The following COL27A1 variants were observed in gnomAD, a reference collection of about 807,000 sequenced individuals.
The protein encoded by COL27A1 is collagen type XXVII alpha 1 chain.
COL27A1 carries 106 observed loss-of-function variants against 251.3 expected under a neutral mutation model. The ratio of observed to expected loss-of-function variants is 0.42; its 90% CI spans 0.36 to 0.50. The LOEUF is 0.50. Among genes scored for constraint, COL27A1 ranks in the 20% least tolerant of loss-of-function variants. The probability of loss-of-function intolerance (pLI) is 0.00; values close to 1 mark genes in which losing one functional copy is unlikely to be tolerated. For missense variants in COL27A1, 2,325 were observed against 2,522.8 expected, an observed-to-expected ratio of 0.92 and a Z score of 1.68; for synonymous variants, 1,000 against 986.3, an observed-to-expected ratio of 1.01 and a Z score of -0.26.
intron 36 of COL27A1, among the ~76,000 whole-genome samples, 196 bp from the exon 37 acceptor site, chr9:114,275,465 G>T (rs1835435137): frequency 6.6e-6 from 1 of 152,174 alleles, no homozygotes; most frequent in Non-Finnish European, 1.5e-5. Flanking sequence ...GCATCCTTGT[G>T]CAAGCTTAGA....
chr9:114,183,047 C>T lies in COL27A1; in HGVS notation c.1988C>T (p.Pro663Leu), dbSNP rs1416870152. The T allele has an allele frequency of 6.2e-7, 1 of 1,613,576 alleles. No individual in the cohort carries two copies. Among genetic ancestry groups the T allele is most frequent in the Admixed American group, 1.7e-5 (1 of 60,014 alleles). ...GGTCCTCCTGGGCCTTATGGAAATC[C>T]AGGTCTCCCCGGCCCTCCTGGAGCC... ...PRGPPGPYGN[P>L]GLPGPPGAKG... Residue 663 changes from proline to leucine, a missense_variant, in exon 5 of 61, where the codon CCA becomes CTA. Pro to Leu is a moderately conservative substitution (Grantham distance 98, BLOSUM62 -3). Transcript: ENST00000356083.
At position 114,168,467 on chromosome 9, in the gene COL27A1, C is replaced by T. The variant is rs1292792104; in HGVS notation, c.912C>T (p.Ser304=). The change falls in exon 3 of 61, where the codon AGC becomes AGT. Residue 304 remains serine (S), a synonymous_variant. Transcript: ENST00000356083. ...CGCCCACCAAGCCCCAAAGGACTAG[C>T]CCCACAAACCCTCACCAGCATATGG... ...PATPTKPQRT[S]PTNPHQHMAV... 6.2e-7 allele frequency: 1 copy of T among 1,613,876 alleles called. No individual in the cohort carries two copies. Among genetic ancestry groups the T allele is most frequent in the African/African-American group, 1.3e-5 (1 of 74,936 alleles).
chr9:114,168,682 C>G lies in COL27A1; in HGVS notation c.1127C>G (p.Ser376Cys). ...CTCCCTACCAAGCCTTCGGCCCCTT[C>G]TACTTCAATTGTGCCCATCAAAAGC... ...KSLPTKPSAPSTSIVPIKSPH... is the reference protein window; with the variant it reads ...KSLPTKPSAPCTSIVPIKSPH... The change falls in exon 3 of 61, where the codon TCT becomes TGT. Residue 376 changes from serine to cysteine, a missense_variant. Coordinates refer to ENST00000356083, the MANE Select transcript of COL27A1 (RefSeq NM_032888.4). The G allele has an allele frequency of 6.2e-7, 1 of 1,614,162 alleles. No homozygotes were observed. The highest frequency in any genetic ancestry group is 8.5e-7 in the Non-Finnish European group (1 of 1,180,036).
intron 14 of COL27A1, among the ~76,000 whole-genome samples, chr9:114,224,508 C>G (rs752630757): frequency 6.6e-6 from 1 of 152,160 alleles, no homozygotes; most frequent in Non-Finnish European, 1.5e-5. Context: ...CATATCCTGT[C>G]TGTCATCCTT....
rs189908495 is a variant in COL27A1 at position 114,221,902 on chromosome 9, C to T, written c.2422-321C>T. On this transcript the variant is annotated intron_variant, in intron 13 of 60. Coordinates refer to ENST00000356083, the MANE Select transcript of COL27A1 (RefSeq NM_032888.4). ...TCAGTTTTCCTGTCTGTAAAATGAG[C>T]GTGAAATGTCAAGCACCATGCACGT... Among the ~76,000 whole-genome samples the T allele has an allele frequency of 1.7e-3, 259 of 152,332 alleles. 2 individuals are homozygous for T. Among genetic ancestry groups the T allele is most frequent in the Admixed American group, 9.7e-3 (148 of 15,308 alleles).
chr9:114,154,178 G>C (rs976955595), upstream of COL27A1, among the ~76,000 whole-genome samples: 1 of 152,008 alleles, frequency 6.6e-6, no homozygotes, highest in Non-Finnish European at 1.5e-5. The surrounding 1 kb of genome is among the most constrained non-coding windows in gnomAD (Gnocchi z 5.8). Context: ...AGCGCAGGCG[G>C]ACCGGGTCGG....
intron 7 of COL27A1, among the ~76,000 whole-genome samples, chr9:114,200,908 T>C (rs558276304): frequency 5.2e-4 from 79 of 152,146 alleles, no homozygotes; most frequent in African/African-American, 1.9e-3. Context: ...GCTGAGGCCT[T>C]GCACAGGCGG....
intron 48 of COL27A1, among the ~76,000 whole-genome samples, chr9:114,291,257 C>T (rs925397645): frequency 2.0e-5 from 3 of 152,100 alleles, no homozygotes; most frequent in African/African-American, 7.2e-5. Context: ...TTCCCAGTGC[C>T]GCGTGGGAGG....
chr9:114,262,110 G>A (rs993460058), intron 28 of COL27A1, among the ~76,000 whole-genome samples: 10 of 152,174 alleles, frequency 6.6e-5, no homozygotes, highest in South Asian at 2.1e-4. Flanking sequence ...CCCTCAGGAG[G>A]GTTCAGTTGT....
At chr9:114,223,176 C>T (rs1174562932) in intron 14 of COL27A1, among the ~76,000 whole-genome samples, 4 of 152,220 alleles carry the variant, frequency 2.6e-5, no homozygotes, top group South Asian at 2.1e-4. Flanking sequence ...GGAAATGACA[C>T]TCCAAGTGTC....
chr9:114,293,335 T>C (rs1166666958), intron 49 of COL27A1, among the ~76,000 whole-genome samples: 1 of 152,150 alleles, frequency 6.6e-6, no homozygotes, highest in Non-Finnish European at 1.5e-5. Flanking sequence ...GTATTTTGAA[T>C]TGAATGAAAG....
Position 114,300,674 on chromosome 9 carries a change from C to T in COL27A1, c.4688C>T (p.Pro1563Leu), listed in dbSNP as rs748832959. Residue 1563 changes from proline to leucine, a missense_variant, in exon 51 of 61, where the codon CCA (proline) becomes CTA (leucine). Coordinates refer to ENST00000356083, the MANE Select transcript of COL27A1 (RefSeq NM_032888.4). ...GFKGIQGPRG[P>L]PGLMGKEGIV... ...AAAGGCATCCAGGGCCCTCGGGGGC[C>T]ACCTGGCTTGATGGTGAGTTCCCTC... 6.6e-6 allele frequency: 10 copies of T among 1,512,788 alleles called. No individual in the cohort carries two copies. In the East Asian group the frequency reaches 2.2e-4, roughly 33 times the overall value. The allele number at this position is 1,512,788 out of a possible 1,614,324, so 93.7% of individuals were successfully genotyped here. A position where few individuals can be genotyped will look rare whatever the true frequency, so the allele number is the denominator to read the frequency against.
At chr9:114,208,308 G>A (rs1445469515) in intron 10 of COL27A1, among the ~76,000 whole-genome samples, 2 of 152,128 alleles carry the variant, frequency 1.3e-5, no homozygotes, top group Middle Eastern at 3.2e-3. Context: ...GGGCGTGGTG[G>A]TGCACACCTG....
intron 10 of COL27A1, among the ~76,000 whole-genome samples, chr9:114,207,658 C>T (rs1027538510): frequency 6.6e-6 from 1 of 152,206 alleles, no homozygotes; most frequent in Non-Finnish European, 1.5e-5. Context: ...CAGTGAGTCA[C>T]TCAAGCTGCC....
intron 14 of COL27A1, among the ~76,000 whole-genome samples, chr9:114,228,292 T>C (rs1831654534): frequency 6.6e-6 from 1 of 152,216 alleles, no homozygotes; most frequent in Non-Finnish European, 1.5e-5. Flanking sequence ...TCTGAGCTGC[T>C]GGCGGCCCCT....
In COL27A1 at chr9:114,216,729, G is replaced by A. The variant is rs1286757214; in HGVS notation, c.2368-3062G>A. On this transcript the variant is annotated intron_variant, in intron 12 of 60. Coordinates refer to ENST00000356083, the MANE Select transcript of COL27A1 (RefSeq NM_032888.4). ...ACTGTGCTCTTAATTACAAACCCTA[G>A]ATTCCTAGAGGTCATCTGCTTGACC... 3.9e-5 allele frequency among the ~76,000 whole-genome samples: 6 copies of A among 152,196 alleles called. No individual in the cohort carries two copies. In the East Asian group the frequency reaches 1.2e-3, roughly 29 times the overall value.
At chr9:114,208,266 C>T (rs1047371707) in intron 10 of COL27A1, among the ~76,000 whole-genome samples, 13 of 152,178 alleles carry the variant, frequency 8.5e-5, no homozygotes, top group African/African-American at 2.4e-4. Context: ...AGCGAAACCC[C>T]GTCTCTACTA....
chr9:114,200,941 C>T (rs1455589304), intron 7 of COL27A1, among the ~76,000 whole-genome samples: 5 of 151,942 alleles, frequency 3.3e-5, no homozygotes, highest in Non-Finnish European at 7.4e-5. Flanking sequence ...GGTGGACAGC[C>T]GATGTCTGAG....
intron 5 of COL27A1, among the ~76,000 whole-genome samples, chr9:114,187,536 G>T (rs1828455473): frequency 6.6e-6 from 1 of 152,248 alleles, no homozygotes; most frequent in Admixed American, 6.5e-5. Flanking sequence ...TCTAGTAAGT[G>T]GCAGAGCACG....
Sources: gnomAD v4.1 joint callset for allele counts (sites outside exome capture counted in the v4.1 genomes callset) on GRCh38, gnomAD v4.1.1 for gene constraint, Gnocchi (gnomAD v3.1) non-coding constraint, MANE v1.5 for transcripts, NCBI Gene and HGNC (gene_info 2026-07-23, HGNC 2026-07-21) for gene names.